Variants in EYA2 observed in about 807,000 individuals in gnomAD.
EYA2 encodes the protein protein phosphatase EYA2.
In EYA2, 31 loss-of-function variants were observed where a neutral mutation model predicts 69.2. That is an observed-to-expected ratio of 0.45 (90% CI 0.34 to 0.60). EYA2 has a LOEUF of 0.60. Among genes scored for constraint, EYA2 ranks in the 20% least tolerant of loss-of-function variants. The pLI is 0.02. For synonymous variants in EYA2, 257 were observed against 279.4 expected (o/e 0.92, Z 0.80); for missense variants, 622 against 701.2 (o/e 0.89, Z 1.28).
intron 9 of EYA2, among the ~76,000 whole-genome samples, chr20:47,111,974 A>C (rs2032757424): frequency 6.6e-6 from 1 of 151,774 alleles, no homozygotes. Context: ...TACAAAAAAA[A>C]ATTTTTTTTT....
intron 12 of EYA2, among the ~76,000 whole-genome samples, chr20:47,177,309 TC>T (rs1468041757): frequency 1.3e-5 from 2 of 151,842 alleles, no homozygotes; most frequent in African/African-American, 4.8e-5. Flanking sequence ...GATGGGGCCT[TC>T]CTGTCTTGCC....
At chr20:46,938,839 G>A (rs993066481) in intron 1 of EYA2, among the ~76,000 whole-genome samples, 1 of 152,110 alleles carries the variant, frequency 6.6e-6, no homozygotes, top group African/African-American at 2.4e-5. Context: ...GACCACTGGA[G>A]TATCTTGGAT....
chr20:47,161,293 T>A, intron 10 of EYA2: 1 of 535,452 alleles, frequency 1.9e-6, no homozygotes, highest in Non-Finnish European at 3.5e-6. Context: ...GGCCACCTCC[T>A]TGGAGCACTT....
At chr20:46,987,589 A>G (rs1179174446) in intron 1 of EYA2, among the ~76,000 whole-genome samples, 1 of 152,132 alleles carries the variant, frequency 6.6e-6, no homozygotes, top group East Asian at 1.9e-4. Context: ...TTAACAGTAC[A>G]GTTGGTTCCA....
intron 9 of EYA2, among the ~76,000 whole-genome samples, chr20:47,112,862 CTTTTTTTTT>C (rs11473217): frequency 1.8e-4 from 10 of 55,836 alleles, no homozygotes; most frequent in African/African-American, 2.3e-4. Context: ...ATGTTCACTC[CTTTTTTTTT>C]TTTTTTTTTT....
intron 9 of EYA2, among the ~76,000 whole-genome samples, chr20:47,120,078 C>T (rs902649560): frequency 2.6e-5 from 4 of 152,072 alleles, no homozygotes; most frequent in Non-Finnish European, 5.9e-5. Context: ...CATGGTGGCA[C>T]ACACCTGTAG....
At chr20:47,167,766 A>G (rs1052216539) in intron 10 of EYA2, among the ~76,000 whole-genome samples, 3 of 152,118 alleles carry the variant, frequency 2.0e-5, no homozygotes, top group Non-Finnish European at 2.9e-5. Context: ...CAGCCAAGGA[A>G]AAACTTCCCA....
At chr20:46,935,144 C>T (rs117563359) in intron 1 of EYA2, among the ~76,000 whole-genome samples, 1 of 152,202 alleles carries the variant, frequency 6.6e-6, no homozygotes, top group Non-Finnish European at 1.5e-5. Flanking sequence ...TCCCCTGCAT[C>T]AGCTCTACTC....
rs371553047 is a variant in EYA2 at position 47,004,964 on chromosome 20, C to A, written c.178C>A (p.Arg60Ser). The change falls in exon 4 of 16, where the codon CGC becomes AGC. Residue 60 changes from arginine (R) to serine (S), a missense_variant. By Grantham distance (110) the Arg-to-Ser change is moderately radical. Coordinates refer to ENST00000327619, the MANE Select transcript of EYA2 (RefSeq NM_005244.5). ...CAGATCTTGCCCACGTGTCCTCCCC[C>A]GCCAGCCTTCCACAGCCATGGCAGC... ...FSRSCPRVLP[R>S]QPSTAMAAYG... 1 of 1,614,100 alleles carries A rather than the reference C, an allele frequency of 6.2e-7. No homozygotes were observed. Among genetic ancestry groups the A allele is most frequent in the South Asian group, 1.1e-5 (1 of 91,076 alleles).
intron 1 of EYA2, among the ~76,000 whole-genome samples, chr20:46,973,617 G>C (rs1470279231): frequency 6.6e-6 from 1 of 152,126 alleles, no homozygotes; most frequent in Admixed American, 6.5e-5. Flanking sequence ...AAAGAGAAAA[G>C]TAAACAAACC....
chr20:46,984,396 G>C (rs1193080530), intron 1 of EYA2, among the ~76,000 whole-genome samples: 1 of 148,570 alleles, frequency 6.7e-6, no homozygotes, highest in African/African-American at 2.5e-5. Context: ...AAAAAAAATA[G>C]AAAACCCAGT....
intron 2 of EYA2, among the ~76,000 whole-genome samples, chr20:46,994,881 A>C (rs1045060306): frequency 1.7e-4 from 25 of 148,400 alleles, no homozygotes; most frequent in African/African-American, 6.0e-4. Flanking sequence ...GACCACCTCT[A>C]CTGCCACTTG....
At chr20:47,033,296 G>A (rs1360546122) in intron 5 of EYA2, among the ~76,000 whole-genome samples, 2 of 152,172 alleles carry the variant, frequency 1.3e-5, no homozygotes, top group East Asian at 1.9e-4. Context: ...TCTAGGTCAG[G>A]GGTCAGTCCA....
chr20:47,187,149 G>T (rs573132197), intron 15 of EYA2, among the ~76,000 whole-genome samples: 2 of 152,072 alleles, frequency 1.3e-5, no homozygotes, highest in Non-Finnish European at 2.9e-5. Context: ...TGGGTGGATC[G>T]CTTGAGCCCA....
intron 15 of EYA2, 64 bp downstream of exon 15, chr20:47,183,455 G>T (rs2034577409): frequency 6.9e-7 from 1 of 1,454,708 alleles, no homozygotes; most frequent in Non-Finnish European, 9.5e-7. Context: ...TGGTCTTCAA[G>T]GGCTCCTTCC....
chr20:47,138,864 G>A (rs191342955), intron 9 of EYA2, among the ~76,000 whole-genome samples: 2 of 151,932 alleles, frequency 1.3e-5, no homozygotes, highest in Non-Finnish European at 2.9e-5. Flanking sequence ...TTCTTTTTGT[G>A]TACAGCCTTT....
chr20:46,952,343 G>A (rs1336136126), intron 1 of EYA2, among the ~76,000 whole-genome samples: 3 of 152,126 alleles, frequency 2.0e-5, no homozygotes, highest in South Asian at 2.1e-4. Context: ...AGTCAGGGGC[G>A]GGATCAGACA....
At chr20:46,960,356 T>G (rs2146287065) in intron 1 of EYA2, among the ~76,000 whole-genome samples, 1 of 152,338 alleles carries the variant, frequency 6.6e-6, no homozygotes, top group Middle Eastern at 3.4e-3. Context: ...GACTGTCTGA[T>G]GCCAGATAGT....
At chr20:47,018,026 A>G (rs1005119588) in intron 5 of EYA2, among the ~76,000 whole-genome samples, 3 of 152,196 alleles carry the variant, frequency 2.0e-5, no homozygotes, top group Non-Finnish European at 4.4e-5. Context: ...GGCCCACTGA[A>G]GGGAGTAAAC....
Sources: allele counts gnomAD v4.1 joint callset (sites outside exome capture counted in the v4.1 genomes callset), GRCh38; gene constraint gnomAD v4.1.1; transcripts MANE v1.5; gene names NCBI Gene and HGNC (gene_info 2026-07-23, HGNC 2026-07-21).